ANK2: variants seen among roughly 807,000 people sequenced by gnomAD.
The protein encoded by ANK2 is ankyrin 2.
A neutral mutation model predicts 360.5 loss-of-function variants in ANK2; 83 were observed. The observed-to-expected ratio is 0.23, with a 90% confidence interval of 0.19 to 0.28. The LOEUF is 0.28. Among genes scored for constraint, ANK2 ranks in the 10% least tolerant of loss-of-function variants. ANK2 has a pLI of 1.00. For synonymous variants in ANK2, 1,740 were observed against 1,759.5 expected (o/e 0.99, Z 0.28); for missense variants, 4,201 against 4,795.7 (o/e 0.88, Z 3.66).
intron 1 of ANK2, among the ~76,000 whole-genome samples, chr4:112,884,387 T>C (rs975737354): frequency 2.8e-4 from 42 of 152,332 alleles, no homozygotes; most frequent in African/African-American, 9.9e-4. Context: ...AAAGCACCCA[T>C]AGACAATATG....
intron 25 of ANK2, among the ~76,000 whole-genome samples, 191 bp downstream of exon 25, chr4:113,318,000 T>C (rs2083848575): frequency 6.6e-6 from 1 of 152,226 alleles, no homozygotes; most frequent in African/African-American, 2.4e-5. Context: ...CAATGAGCAG[T>C]GTTTTTCTGA....
chr4:113,204,613 G>A (rs2098917158), intron 4 of ANK2, among the ~76,000 whole-genome samples: 1 of 152,116 alleles, frequency 6.6e-6, no homozygotes, highest in Non-Finnish European at 1.5e-5. Context: ...AAAAATTTGA[G>A]GCATAGGTAG....
At chr4:113,101,173 C>A (rs996308807) in intron 1 of ANK2, among the ~76,000 whole-genome samples, 1 of 152,050 alleles carries the variant, frequency 6.6e-6, no homozygotes, top group Non-Finnish European at 1.5e-5. Flanking sequence ...ATAAAATCAA[C>A]AACAAAAACA....
the ANK2 span, among the ~76,000 whole-genome samples, chr4:112,736,759 AT>A: frequency 6.6e-6 from 1 of 152,238 alleles, no homozygotes; most frequent in South Asian, 2.1e-4. Context: ...TGACTGTGTC[AT>A]TTTTCTCCTA....
At chr4:113,124,646 G>A (rs2095556970) in intron 1 of ANK2, among the ~76,000 whole-genome samples, 1 of 152,138 alleles carries the variant, frequency 6.6e-6, no homozygotes, top group Admixed American at 6.5e-5. Context: ...TGTACAGTTG[G>A]AATTCCTTCT....
chr4:113,009,598 G>A (rs971738239), intron 2 of ANK2, among the ~76,000 whole-genome samples: 11 of 151,996 alleles, frequency 7.2e-5, no homozygotes, highest in African/African-American at 2.4e-5. Flanking sequence ...TTTATTTCCC[G>A]ATCATGAGCA....
intron 1 of ANK2, among the ~76,000 whole-genome samples, chr4:112,869,494 G>T (rs1315082332): frequency 6.6e-6 from 1 of 151,894 alleles, no homozygotes; most frequent in African/African-American, 2.4e-5. Context: ...TGTTGCCCAG[G>T]CTGGTCTTGA....
intron 1 of ANK2, among the ~76,000 whole-genome samples, chr4:113,089,339 T>C (rs964616905): frequency 6.6e-6 from 1 of 152,374 alleles, no homozygotes; most frequent in Admixed American, 6.5e-5. Context: ...AGTGAAACTT[T>C]AGATTATTTG....
chr4:113,111,051 T>TA (rs2094239319), intron 1 of ANK2, among the ~76,000 whole-genome samples: 1 of 152,220 alleles, frequency 6.6e-6, no homozygotes, highest in Non-Finnish European at 1.5e-5. Flanking sequence ...CCCAGTCATT[T>TA]AAAATCACAT....
At chr4:112,893,463 A>G (rs1325826031) in intron 1 of ANK2, among the ~76,000 whole-genome samples, 1 of 152,164 alleles carries the variant, frequency 6.6e-6, no homozygotes, top group East Asian at 1.9e-4. Flanking sequence ...ACACCCAGCT[A>G]GCACCTTAAA....
intron 1 of ANK2, among the ~76,000 whole-genome samples, chr4:113,057,423 A>G (rs1238812732): frequency 1.3e-5 from 2 of 152,174 alleles, no homozygotes. Flanking sequence ...CCTCAGGCAT[A>G]TAATTCCAAA....
intron 45 of ANK2, chr4:113,378,269 C>T (rs766117563): frequency 1.2e-4 from 60 of 500,214 alleles, no homozygotes; most frequent in Admixed American, 3.9e-4. Context: ...ATCCCTACAT[C>T]TACCCTAAAG....
intron 1 of ANK2, among the ~76,000 whole-genome samples, chr4:112,892,776 T>C (rs139353136): frequency 6.6e-6 from 1 of 152,330 alleles, no homozygotes; most frequent in African/African-American, 2.4e-5. Flanking sequence ...GGCATAATTG[T>C]TCTTTTTGTT....
the ANK2 span, among the ~76,000 whole-genome samples, chr4:112,803,473 T>C: frequency 6.6e-6 from 1 of 152,024 alleles, no homozygotes; most frequent in Non-Finnish European, 1.5e-5. Context: ...CCTTGAAGAC[T>C]GGAGTAATGG....
the ANK2 span, among the ~76,000 whole-genome samples, chr4:112,720,724 T>C: frequency 6.6e-6 from 1 of 152,246 alleles, no homozygotes; most frequent in East Asian, 1.9e-4. Context: ...AAGGAAAACA[T>C]AGAGTTTGGT....
At chr4:113,307,129 C>G (rs29308) in intron 23 of ANK2, among the ~76,000 whole-genome samples, 123,111 of 152,096 alleles carry the variant, frequency 0.81, 50,016 homozygotes, top group African/African-American at 0.87. Flanking sequence ...GGTGGCTTGT[C>G]CATATATCTC....
In ANK2 at chr4:113,205,684, G is replaced by A. The variant is rs75221379; in HGVS notation, c.384+6575G>A. On this transcript the variant is annotated intron_variant, in intron 4 of 45. Coordinates refer to ENST00000357077, the MANE Select transcript of ANK2 (RefSeq NM_001148.6). ...TTGGTTACACCCCCAGATTTATGGG[G>A]GTGCATGCACCCACTATATGCAATG... is the stretch of plus-strand genomic sequence containing the variant. Among the ~76,000 whole-genome samples the A allele has an allele frequency of 2.3e-3, 349 of 152,214 alleles. 4 individuals carry two copies. Among genetic ancestry groups the A allele is most frequent in the African/African-American group, 8.0e-3 (331 of 41,528 alleles).
chr4:113,292,307 C>T, intron 20 of ANK2, 109 bp from the exon 21 acceptor site: 3 of 994,230 alleles, frequency 3.0e-6, no homozygotes, highest in Non-Finnish European at 4.7e-6. Context: ...CCAAATAAAG[C>T]ATCTGTGATG....
chr4:113,026,684 C>T lies in ANK2; in HGVS notation c.21+122170C>T, dbSNP rs769623547. On this transcript the variant is annotated intron_variant, in intron 2 of 30. Coordinates refer to the ANK2 transcript ENST00000503271. ...AACATAGAAAAGATTTAGTAGCATG[C>T]AAAGAAAATAGATCGAAGTAGCTGG... Among the ~76,000 whole-genome samples the T allele has an allele frequency of 1.2e-3, 185 of 152,162 alleles. 1 individual carries two copies. Among genetic ancestry groups the T allele is most frequent in the Non-Finnish European group, 2.0e-3 (136 of 68,024 alleles).
Sources: gnomAD v4.1 joint callset for allele counts (sites outside exome capture counted in the v4.1 genomes callset) on GRCh38, gnomAD v4.1.1 for gene constraint, MANE v1.5 for transcripts, NCBI Gene and HGNC (gene_info 2026-07-23, HGNC 2026-07-21) for gene names.